Variants in ANKMY1 observed in about 807,000 individuals in gnomAD.
ANKMY1 encodes ankyrin repeat and MYND domain containing 1, also known as ankyrin repeat and MYND domain-containing protein 1.
ANKMY1 carries 98 observed loss-of-function variants against 102.0 expected under a neutral mutation model. The observed-to-expected ratio is 0.96, with a 90% confidence interval of 0.82 to 1.14. The LOEUF (loss-of-function observed/expected upper bound fraction) is 1.14, where lower values mean the gene tolerates loss of function less well. ANKMY1 is among the 50% of genes most tolerant of loss of function. The pLI is 0.00. For missense variants in ANKMY1, 1,330 were observed against 1,347.6 expected (o/e 0.99, Z 0.20); for synonymous variants, 582 against 559.9 (o/e 1.04, Z -0.56).
intron 5 of ANKMY1, among the ~76,000 whole-genome samples, chr2:240,528,340 CTT>C (rs2084392914): frequency 7.0e-6 from 1 of 142,934 alleles, no homozygotes; most frequent in African/African-American, 2.6e-5. Flanking sequence ...TAGTGGCTGA[CTT>C]TTCTGGAGCT....
chr2:240,480,829 C>G, intron 17 of ANKMY1, 108 bp downstream of exon 17: 2 of 1,427,152 alleles, frequency 1.4e-6, no homozygotes, highest in Non-Finnish European at 1.9e-6. Flanking sequence ...TGGCCTGAAT[C>G]TGGAGAGATT....
Position 240,501,489 on chromosome 2 carries a change from G to A in ANKMY1, c.2527-924C>T, listed in dbSNP as rs147613593. On this transcript the variant is annotated intron_variant, in intron 13 of 17. Coordinates refer to ENST00000401804, the MANE Select transcript of ANKMY1 (RefSeq NM_001282771.3). Reference sequence around the variant, plus strand: ...GGGCCTGGCAGGCTCAGGGCAGCCTGTGTGAGTGGATGGAAACCAGGCCAT... The same window carrying A: ...GGGCCTGGCAGGCTCAGGGCAGCCTATGTGAGTGGATGGAAACCAGGCCAT... 2.4e-4 allele frequency among the ~76,000 whole-genome samples: 36 copies of A among 152,306 alleles called. 2 individuals are homozygous for A. The South Asian group carries it at 3.3e-3, about 14-fold the overall frequency.
At chr2:240,523,236 C>A (rs1360789297) in intron 8 of ANKMY1, 2 of 152,464 alleles carry the variant, frequency 1.3e-5, no homozygotes, top group African/African-American at 4.8e-5. Context: ...AGACAGGCAT[C>A]CCCGCAAGTG....
chr2:240,513,994 G>A (rs1373932556), intron 9 of ANKMY1, among the ~76,000 whole-genome samples: 1 of 152,244 alleles, frequency 6.6e-6, no homozygotes, highest in Admixed American at 6.5e-5. Context: ...GCAGCCCGCT[G>A]CTCCATGGTA....
chr2:240,502,249 T>A (rs2078322782), intron 13 of ANKMY1, among the ~76,000 whole-genome samples: 1 of 146,228 alleles, frequency 6.8e-6, no homozygotes, highest in African/African-American at 2.6e-5. Context: ...TCTGGACAGC[T>A]CTGCCAGGGC....
chr2:240,530,015 G>T (rs1394006540), intron 4 of ANKMY1, among the ~76,000 whole-genome samples: 1 of 152,156 alleles, frequency 6.6e-6, no homozygotes, highest in Non-Finnish European at 1.5e-5. Context: ...GCCAAAGGGA[G>T]GAGGGGAGGA....
Position 240,524,201 on chromosome 2 carries a change from T to C in ANKMY1, c.1516A>G (p.Thr506Ala). The C allele has an allele frequency of 6.2e-7, 1 of 1,613,824 alleles. No individual in the cohort carries two copies. Among genetic ancestry groups the C allele is most frequent in the African/African-American group, 1.3e-5 (1 of 75,018 alleles). ...TCTATGGACCCCCCACACTGCCCGG[T>C]GTCCTGGAAGTGGCCGCCCTCGTGG... Reference protein sequence around the residue: ...GSHEGGHFQDTGQCGGSIDHR... With the variant: ...GSHEGGHFQDAGQCGGSIDHR... Residue 506 changes from threonine to alanine, a missense_variant, in exon 8 of 18, where the codon ACC (threonine) becomes GCC (alanine). Transcript: ENST00000401804.
At chr2:240,523,026 G>T (rs1024152286) in intron 8 of ANKMY1, 3 of 152,218 alleles carry the variant, frequency 2.0e-5, no homozygotes, top group African/African-American at 7.2e-5. Flanking sequence ...AGGTTGGGAA[G>T]ATGCCGCATT....
downstream of ANKMY1, among the ~76,000 whole-genome samples, chr2:240,475,225 T>G (rs185886478): frequency 3.6e-3 from 554 of 152,330 alleles, 3 homozygotes; most frequent in Middle Eastern, 6.8e-3. Flanking sequence ...TGTCTTCTTT[T>G]GAAGAGTGGA....
chr2:240,507,805 G>A lies in ANKMY1; in HGVS notation c.2395-114C>T, dbSNP rs1008363022. ...TAACCCCTGAAAGCAGGGGCTTCACGGAGGCCACCGCTGGCCCTTCCCACG... is the reference window on the plus strand; with the variant it reads ...TAACCCCTGAAAGCAGGGGCTTCACAGAGGCCACCGCTGGCCCTTCCCACG... On this transcript the variant is annotated intron_variant, in intron 12 of 17. Coordinates refer to ENST00000401804, the MANE Select transcript of ANKMY1 (RefSeq NM_001282771.3). The A allele has an allele frequency of 3.2e-5, 42 of 1,299,896 alleles. No individual in the cohort carries two copies. The Admixed American group carries it at 5.2e-4, about 16-fold the overall frequency. 80.5% of individuals were successfully genotyped at this position (1,299,896 alleles called of 1,614,324 possible).
In ANKMY1 at chr2:240,517,308, GGGC is replaced by G. The variant is rs752492455; in HGVS notation, c.2004+3051_2004+3053del. On this transcript the variant is annotated intron_variant, in intron 9 of 17. Coordinates refer to ENST00000401804, the MANE Select transcript of ANKMY1 (RefSeq NM_001282771.3). ...CTATGCAATTCCTTTGCACACTTCC[GGGC>G]ATGTGGTAAGTGGACCGTGTCACTT... is the stretch of plus-strand genomic sequence containing the variant. Among the ~76,000 whole-genome samples the G allele has an allele frequency of 3.2e-4, 49 of 152,082 alleles. 1 individual carries two copies. Among genetic ancestry groups the G allele is most frequent in the Non-Finnish European group, 3.4e-4 (23 of 68,018 alleles).
intron 4 of ANKMY1, among the ~76,000 whole-genome samples, chr2:240,537,156 C>T (rs1227110324): frequency 2.0e-5 from 3 of 152,206 alleles, no homozygotes; most frequent in Non-Finnish European, 4.4e-5. Context: ...CCAGAGAGAC[C>T]AGCAAGAGAC....
chr2:240,515,804 T>G (rs1053740995), intron 9 of ANKMY1, among the ~76,000 whole-genome samples: 20 of 151,942 alleles, frequency 1.3e-4, no homozygotes, highest in East Asian at 3.9e-4. Context: ...TGCAAGCTCC[T>G]CCTCCCAGGT....
rs982639832 is a variant in ANKMY1 at position 240,557,471 on chromosome 2, C to T, written c.-17-119G>A. On this transcript the variant is annotated intron_variant, in intron 1 of 17. Transcript: ENST00000401804. Reference sequence around the variant, plus strand: ...AGAGAACCCAAGCCCCTCCCTGAACCGCGCCGGAGCCTGGGCCGCCACCCA... The same window carrying T: ...AGAGAACCCAAGCCCCTCCCTGAACTGCGCCGGAGCCTGGGCCGCCACCCA... 28 of 1,216,214 alleles carry T rather than the reference C, an allele frequency of 2.3e-5. 1 individual carries two copies. Among genetic ancestry groups the T allele is most frequent in the East Asian group, 8.7e-5 (3 of 34,304 alleles). 75.3% of individuals were successfully genotyped at this position (1,216,214 alleles called of 1,614,324 possible).
rs58372968 is a variant in ANKMY1, at chr2:240,554,579, G to A, written c.336+287C>T. Reference sequence around the variant, plus strand: ...CAATTTCACCAAGGTAAATATACGAGTTGCTATGGCAATTCATAATTTTAA... The same window carrying A: ...CAATTTCACCAAGGTAAATATACGAATTGCTATGGCAATTCATAATTTTAA... On this transcript the variant is annotated intron_variant, in intron 3 of 17. Transcript: ENST00000401804. 1,559 of 363,826 alleles carry A rather than the reference G, an allele frequency of 4.3e-3. 70 individuals are homozygous for A. In the East Asian group the frequency reaches 0.063, roughly 15 times the overall value. 22.5% of individuals were successfully genotyped at this position (363,826 alleles called of 1,614,324 possible).
intron 8 of ANKMY1, 27 bp downstream of exon 8, chr2:240,523,858 C>A: frequency 1.2e-6 from 2 of 1,601,258 alleles, no homozygotes. Flanking sequence ...TGGCCCTCCA[C>A]CCCCACCAGC....
chr2:240,504,277 C>T (rs1224464607), intron 13 of ANKMY1, among the ~76,000 whole-genome samples: 1 of 152,178 alleles, frequency 6.6e-6, no homozygotes, highest in East Asian at 1.9e-4. Flanking sequence ...GTTTCAGGGA[C>T]TCTCTGGACT....
the ANKMY1 span, among the ~76,000 whole-genome samples, chr2:240,469,024 C>G: frequency 6.6e-6 from 1 of 152,152 alleles, no homozygotes; most frequent in Non-Finnish European, 1.5e-5. Context: ...CTCTCCGTGG[C>G]GGGCCAGGGG....
chr2:240,560,619 T>C, upstream of ANKMY1: 3 of 1,388,914 alleles, frequency 2.2e-6, no homozygotes, highest in Non-Finnish European at 2.8e-6. Flanking sequence ...AATAGACTCC[T>C]GGGCGGGCGC....
Sources: gnomAD v4.1 joint callset for allele counts (sites outside exome capture counted in the v4.1 genomes callset) on GRCh38, gnomAD v4.1.1 for gene constraint, MANE v1.5 for transcripts, NCBI Gene and HGNC (gene_info 2026-07-23, HGNC 2026-07-21) for gene names.